TSBP1: variants seen among roughly 807,000 people sequenced by gnomAD.
TSBP1 encodes testis-expressed basic protein 1.
A neutral mutation model predicts 68.8 loss-of-function variants in TSBP1; 56 were observed. That is an observed-to-expected ratio of 0.81 (90% CI 0.66 to 1.02). The LOEUF is 1.02. TSBP1 is among the 50% of genes least tolerant of loss of function. The pLI, the probability that TSBP1 is intolerant of heterozygous loss-of-function variation, is 0.00. For missense variants in TSBP1, 502 were observed against 641.2 expected (o/e 0.78, Z 2.34); for synonymous variants, 171 against 208.7 (o/e 0.82, Z 1.56).
chr6:32,367,875 T>C, intron 4 of TSBP1, 50 bp downstream of exon 4: 1 of 1,388,234 alleles, frequency 7.2e-7, no homozygotes, highest in Non-Finnish European at 1.0e-6. Context: ...ATTCACACTC[T>C]AAAGAGTATA....
At chr6:32,313,666 A>T (rs1484090139) in intron 19 of TSBP1, among the ~76,000 whole-genome samples, 1 of 151,456 alleles carries the variant, frequency 6.6e-6, no homozygotes, top group Non-Finnish European at 1.5e-5. Context: ...ATATTCTATG[A>T]TATAAATACC....
chr6:32,369,373 A>ATTTTTTTTTTTTTTTTTTTTTTT (rs9281761), intron 2 of TSBP1, among the ~76,000 whole-genome samples: 15 of 127,012 alleles, frequency 1.2e-4, no homozygotes, highest in East Asian at 4.6e-4. Context: ...AAACTCTGTG[A>ATTTTTTTTTTTTTTTTTTTTTTT]TTTTTTTTTT....
intron 22 of TSBP1, among the ~76,000 whole-genome samples, chr6:32,298,559 A>G (rs1764946424): frequency 6.6e-6 from 1 of 152,040 alleles, no homozygotes; most frequent in South Asian, 2.1e-4. Flanking sequence ...AGCTTGGGCG[A>G]CAAGAACGAA....
chr6:32,301,359 C>A (rs912547067), intron 20 of TSBP1, among the ~76,000 whole-genome samples: 2 of 151,976 alleles, frequency 1.3e-5, no homozygotes, highest in African/African-American at 4.8e-5. Context: ...ACAGTTGTTA[C>A]CAAGTACTGA....
rs1228442804 is a variant in TSBP1, at chr6:32,355,111, A to G, written c.259+13T>C. 1.2e-6 allele frequency: 2 copies of G among 1,609,640 alleles called. No individual in the cohort carries two copies. Among genetic ancestry groups the G allele is most frequent in the Admixed American group, 1.7e-5 (1 of 59,918 alleles). ...ATGACAGTAGAATTGAAAGAAAACCACAAAGCACTTACCTAGAGAGTTGGT... is the reference window on the plus strand; with the variant it reads ...ATGACAGTAGAATTGAAAGAAAACCGCAAAGCACTTACCTAGAGAGTTGGT... On this transcript the variant is annotated intron_variant, in intron 8 of 22. Coordinates refer to ENST00000612031, the Ensembl canonical transcript of TSBP1.
intron 9 of TSBP1, among the ~76,000 whole-genome samples, chr6:32,348,123 C>T (rs1038258603): frequency 2.6e-5 from 4 of 152,156 alleles, no homozygotes; most frequent in African/African-American, 9.7e-5. Context: ...CTGTGAAATA[C>T]TTATGTTGTC....
intron 8 of TSBP1, among the ~76,000 whole-genome samples, chr6:32,352,085 T>C (rs1771772951): frequency 6.6e-6 from 1 of 152,046 alleles, no homozygotes; most frequent in Non-Finnish European, 1.5e-5. Context: ...AGAAAATTTT[T>C]CACATACATG....
At chr6:32,362,304 A>AAAAAAG (rs1226904344) in intron 6 of TSBP1, among the ~76,000 whole-genome samples, 6 of 151,162 alleles carry the variant, frequency 4.0e-5, no homozygotes, top group Non-Finnish European at 1.5e-5. Context: ...AAAAAAAAAA[A>AAAAAAG]AGAAGAGGAA....
Position 32,320,024 on chromosome 6 carries a change from G to A in TSBP1, c.559+3093C>T, listed in dbSNP as rs371023432. 363 of 398,248 alleles carry A rather than the reference G, an allele frequency of 9.1e-4. 2 individuals carry two copies. The highest frequency in any genetic ancestry group is 6.7e-3 in the South Asian group (352 of 52,182). 24.7% of individuals were successfully genotyped at this position (398,248 alleles called of 1,614,324 possible). A position where few individuals can be genotyped will look rare whatever the true frequency, so the allele number is the denominator to read the frequency against. On this transcript the variant is annotated intron_variant, in intron 18 of 22. Coordinates refer to ENST00000612031, the Ensembl canonical transcript of TSBP1. ...GCTCTAGTTATATTTCTCTGGGTTG[G>A]AATTCTCCAATTTGTTGGGGCTTGT...
chr6:32,338,202 G>T lies in TSBP1; in HGVS notation c.409+777C>A, dbSNP rs3129900. Among the ~76,000 whole-genome samples the T allele has an allele frequency of 0.83, 126,575 of 152,142 alleles. 52,772 individuals carry two copies. The highest frequency in any genetic ancestry group is 0.92 in the South Asian group (4,454 of 4,820). Reference sequence around the variant, plus strand: ...TCCTGTAGAGCAATGGTTCTTAAACGTTGGTATGCACGCAAATCACCTGGG... The same window carrying T: ...TCCTGTAGAGCAATGGTTCTTAAACTTTGGTATGCACGCAAATCACCTGGG... On this transcript the variant is annotated intron_variant, in intron 11 of 22. Coordinates refer to ENST00000612031, the Ensembl canonical transcript of TSBP1. This position sits in a 1 kb window ranked among gnomAD's most constrained non-coding sequence, Gnocchi z 5.5.
rs1375842505 is a variant in TSBP1, at chr6:32,316,388, A to G, written c.560-596T>C. ...ACCAAAGTAGAAAAAGACATGTAATACTTACTTATAGGTGCTGCCAGCTGA... is the reference window on the plus strand; with the variant it reads ...ACCAAAGTAGAAAAAGACATGTAATGCTTACTTATAGGTGCTGCCAGCTGA... On this transcript the variant is annotated intron_variant, in intron 18 of 22. Coordinates refer to ENST00000612031, the Ensembl canonical transcript of TSBP1. The surrounding 1 kb of genome is among the most constrained non-coding windows in gnomAD (Gnocchi z 4.5). The G allele has an allele frequency of 1.3e-6, 2 of 1,570,206 alleles. No individual in the cohort carries two copies. Among genetic ancestry groups the G allele is most frequent in the Middle Eastern group, 1.7e-4 (1 of 6,004 alleles).
At chr6:32,309,866 T>C (rs546237980) in intron 19 of TSBP1, among the ~76,000 whole-genome samples, 1 of 152,230 alleles carries the variant, frequency 6.6e-6, no homozygotes, top group East Asian at 1.9e-4. Flanking sequence ...ACTATTTTTG[T>C]ACCTATTAAC....
At chr6:32,308,557 C>T (rs1766015196) in intron 19 of TSBP1, among the ~76,000 whole-genome samples, 1 of 144,282 alleles carries the variant, frequency 6.9e-6, no homozygotes, top group Admixed American at 6.9e-5. Context: ...GAGATCCCGC[C>T]ACTGCACTCC....
chr6:32,296,308 GA>G (rs1764720151), intron 22 of TSBP1, among the ~76,000 whole-genome samples: 1 of 152,160 alleles, frequency 6.6e-6, no homozygotes, highest in Non-Finnish European at 1.5e-5. Flanking sequence ...TAAATCAAAA[GA>G]GTTGTTGTAG....
At position 32,357,686 on chromosome 6, in the gene TSBP1, G is replaced by T. The variant is rs1193292368; in HGVS notation, c.218-2017C>A. Reference sequence around the variant, plus strand: ...GTTTGATTTGGAGTATAATTTGAAAGCATCAGAGATGGGATTTGATGGTGG... The same window carrying T: ...GTTTGATTTGGAGTATAATTTGAAATCATCAGAGATGGGATTTGATGGTGG... On this transcript the variant is annotated intron_variant, in intron 6 of 22. Coordinates refer to ENST00000612031, the Ensembl canonical transcript of TSBP1. This position sits in a 1 kb window ranked among gnomAD's most constrained non-coding sequence, Gnocchi z 4.7. Among the ~76,000 whole-genome samples, 1 of 152,168 alleles carries T rather than the reference G, an allele frequency of 6.6e-6. No homozygotes were observed. The highest frequency in any genetic ancestry group is 1.5e-5 in the Non-Finnish European group (1 of 68,030).
chr6:32,331,814 C>T (rs1769050189), intron 15 of TSBP1, among the ~76,000 whole-genome samples: 1 of 152,172 alleles, frequency 6.6e-6, no homozygotes, highest in South Asian at 2.1e-4. Context: ...TTATGCTGGA[C>T]GTAAAGCCTA....
intron 16 of TSBP1, among the ~76,000 whole-genome samples, chr6:32,327,168 G>T (rs1023124471): frequency 6.6e-6 from 1 of 152,152 alleles, no homozygotes; most frequent in African/African-American, 2.4e-5. Context: ...ATAAGCAAAA[G>T]AAATGAAGAA....
At chr6:32,297,865 C>T (rs1232650519) in intron 22 of TSBP1, among the ~76,000 whole-genome samples, 2 of 151,718 alleles carry the variant, frequency 1.3e-5, no homozygotes, top group Non-Finnish European at 2.9e-5. Context: ...TCGAGGCCAG[C>T]CTGGGCAACA....
Position 32,368,098 on chromosome 6 carries a change from T to C in TSBP1, c.134-141A>G, listed in dbSNP as rs189560491. On this transcript the variant is annotated intron_variant, in intron 3 of 22. Coordinates refer to ENST00000612031, the Ensembl canonical transcript of TSBP1. Reference sequence around the variant, plus strand: ...TAATTTACTTTGCAGGAACTAGGAATTGTGCATAAGCTACAAGAGCTGACG... The same window carrying C: ...TAATTTACTTTGCAGGAACTAGGAACTGTGCATAAGCTACAAGAGCTGACG... The C allele has an allele frequency of 2.1e-4, 145 of 685,778 alleles. No individual in the cohort carries two copies. In the African/African-American group the frequency reaches 2.3e-3, roughly 11 times the overall value. The allele number at this position is 685,778 out of a possible 1,614,324, so 42.5% of individuals were successfully genotyped here.
Sources: allele counts gnomAD v4.1 joint callset (sites outside exome capture counted in the v4.1 genomes callset), GRCh38; gene constraint gnomAD v4.1.1; non-coding constraint Gnocchi (gnomAD v3.1); transcripts MANE v1.5; gene names NCBI Gene and HGNC (gene_info 2026-07-23, HGNC 2026-07-21).